SOST: variants seen among roughly 807,000 people sequenced by gnomAD.
SOST encodes the protein sclerosteosis.
In SOST, 14 loss-of-function variants were observed where a neutral mutation model predicts 16.7. The observed-to-expected ratio is 0.84, with a 90% confidence interval of 0.55 to 1.31. The LOEUF (loss-of-function observed/expected upper bound fraction) is 1.31, where lower values mean the gene tolerates loss of function less well. SOST is among the 50% of genes most tolerant of loss of function. The pLI is 0.00. For synonymous variants in SOST, 150 were observed against 140.9 expected (o/e 1.06, Z -0.46); for missense variants, 291 against 310.7 (o/e 0.94, Z 0.48).
Position 43,755,933 on chromosome 17 carries a change from C to T in SOST, c.221-170G>A, listed in dbSNP as rs1400840820. Among the ~76,000 whole-genome samples, 1 of 152,226 alleles carries T rather than the reference C, an allele frequency of 6.6e-6. No individual in the cohort carries two copies. The highest frequency in any genetic ancestry group is 1.5e-5 in the Non-Finnish European group (1 of 68,040). ...CAGATGCTCTAGAGCTGGTGGAAAG[C>T]TCTCCTGCGCACCCTGTCCCCTCGG... On this transcript the variant is annotated intron_variant, in intron 1 of 1. Coordinates refer to ENST00000301691, the MANE Select transcript of SOST (RefSeq NM_025237.3). This position sits in a 1 kb window ranked among gnomAD's most constrained non-coding sequence, Gnocchi z 4.3.
chr17:43,755,686 C>T lies in SOST; in HGVS notation c.298G>A (p.Val100Ile). Residue 100 changes from valine to isoleucine, a missense_variant, in exon 2 of 2, where the codon GTC (valine) becomes ATC (isoleucine). By Grantham distance (29) the Val-to-Ile change is conservative. Coordinates refer to ENST00000301691, the MANE Select transcript of SOST (RefSeq NM_025237.3). The surrounding 1 kb of genome is among the most constrained non-coding windows in gnomAD (Gnocchi z 4.3). ...TDGPCRSAKP[V>I]TELVCSGQCG... The stretch of plus-strand genomic sequence containing the variant: ...TGGCCGGAGCACACCAGCTCGGTGA[C>T]CGGCTTGGCGCTGCGGCACGGCCCA... 6.4e-7 allele frequency: 1 copy of T among 1,564,386 alleles called. No homozygotes were observed. Among genetic ancestry groups the T allele is most frequent in the Non-Finnish European group, 8.6e-7 (1 of 1,163,176 alleles).
At position 43,755,499 on chromosome 17, in the gene SOST, A is replaced by G; in HGVS notation, c.485T>C (p.Val162Ala). The G allele has an allele frequency of 6.3e-7, 1 of 1,596,898 alleles. No homozygotes were observed. Among genetic ancestry groups the G allele is most frequent in the Non-Finnish European group, 8.5e-7 (1 of 1,178,330 alleles). ...GAGGCGCTTGCACTTGCACGAGGCC[A>G]CCAGGCGCACCTTGCGCGCGCGCGG... The part of the protein sequence containing the change: ...EAPRARKVRL[V>A]ASCKCKRLTR... Residue 162 changes from valine to alanine, a missense_variant, in exon 2 of 2, where the codon GTG (valine) becomes GCG (alanine). Val to Ala is a moderately conservative substitution (Grantham distance 64). Coordinates refer to ENST00000301691, the MANE Select transcript of SOST (RefSeq NM_025237.3). This position sits in a 1 kb window ranked among gnomAD's most constrained non-coding sequence, Gnocchi z 4.3.
Position 43,755,504 on chromosome 17 carries a change from G to A in SOST, c.480C>T (p.Arg160=). The change falls in exon 2 of 2, where the codon CGC becomes CGT. Residue 160 remains arginine (R), a synonymous_variant. Coordinates refer to ENST00000301691, the MANE Select transcript of SOST (RefSeq NM_025237.3). This position sits in a 1 kb window ranked among gnomAD's most constrained non-coding sequence, Gnocchi z 4.3. The part of the protein sequence containing the change: ...GGEAPRARKV[R]LVASCKCKRL... Reference sequence around the variant, plus strand: ...GCTTGCACTTGCACGAGGCCACCAGGCGCACCTTGCGCGCGCGCGGCGCCT... The same window carrying A: ...GCTTGCACTTGCACGAGGCCACCAGACGCACCTTGCGCGCGCGCGGCGCCT... The A allele has an allele frequency of 6.3e-7, 1 of 1,596,520 alleles. No homozygotes were observed. Among genetic ancestry groups the A allele is most frequent in the South Asian group, 1.1e-5 (1 of 90,606 alleles).
intron 1 of SOST, among the ~76,000 whole-genome samples, chr17:43,757,561 C>T (rs867753676): frequency 4.6e-5 from 7 of 152,252 alleles, no homozygotes; most frequent in South Asian, 4.1e-4. Flanking sequence ...TCATTTCAGA[C>T]GCCCCCATGG....
chr17:43,756,741 T>C (rs532453021), intron 1 of SOST, among the ~76,000 whole-genome samples: 49 of 152,144 alleles, frequency 3.2e-4, no homozygotes, highest in Non-Finnish European at 6.2e-4. Context: ...TTTCTTGTTC[T>C]GTGTTATCTG....
Position 43,758,504 on chromosome 17 carries a change from C to A in SOST, c.220+18G>T, listed in dbSNP as rs780124333. The A allele has an allele frequency of 1.6e-5, 25 of 1,599,640 alleles. No homozygotes were observed. Among genetic ancestry groups the A allele is most frequent in the East Asian group, 2.2e-5 (1 of 44,768 alleles). Reference sequence around the variant, plus strand: ...TCCCCAGGATCTTTTACTAAGAATTCTCTCCTCCACCCCATACCTTTGGTC... The same window carrying A: ...TCCCCAGGATCTTTTACTAAGAATTATCTCCTCCACCCCATACCTTTGGTC... On this transcript the variant is annotated intron_variant, in intron 1 of 1. Coordinates refer to ENST00000301691, the MANE Select transcript of SOST (RefSeq NM_025237.3).
chr17:43,755,071 A>C lies in SOST; in HGVS notation c.*271T>G. The C allele has an allele frequency of 2.3e-6, 1 of 444,000 alleles. No homozygotes were observed. Among genetic ancestry groups the C allele is most frequent in the Non-Finnish European group, 3.9e-6 (1 of 254,094 alleles). The allele number at this position is 444,000 out of a possible 1,614,324, so 27.5% of individuals were successfully genotyped here. ...GCCTCCTCTGAAGTGGGACCAGCAA[A>C]GGTAGGCGGCCCCAGAGGCGGGGCT... is the stretch of plus-strand genomic sequence containing the variant. On this transcript the variant is annotated 3_prime_UTR_variant, in exon 2 of 2. Transcript: ENST00000301691. This position sits in a 1 kb window ranked among gnomAD's most constrained non-coding sequence, Gnocchi z 4.3.
chr17:43,757,191 C>T (rs1974140003), intron 1 of SOST, among the ~76,000 whole-genome samples: 1 of 152,228 alleles, frequency 6.6e-6, no homozygotes, highest in African/African-American at 2.4e-5. Context: ...GCCCCTAGGC[C>T]AGGCACTTCC....
Position 43,758,723 on chromosome 17 carries a change from G to C in SOST, c.19C>G (p.Leu7Val). 1 of 1,613,502 alleles carries C rather than the reference G, an allele frequency of 6.2e-7. No individual in the cohort carries two copies. The highest frequency in any genetic ancestry group is 8.5e-7 in the Non-Finnish European group (1 of 1,180,032). The change falls in exon 1 of 2, where the codon CTG becomes GTG. Residue 7 changes from leucine to valine, a missense_variant. Leu to Val is a conservative substitution (Grantham distance 32). Transcript: ENST00000301691. MQLPLA[L>V]CLVCLLVHTA... ...TGTACCAGCAGGCAGACGAGACACA[G>C]GGCCAGTGGGAGCTGCATGGTACCA...
chr17:43,756,426 A>G (rs1974131101), intron 1 of SOST, among the ~76,000 whole-genome samples: 1 of 152,194 alleles, frequency 6.6e-6, no homozygotes, highest in African/African-American at 2.4e-5. Context: ...CTTGAAAGGA[A>G]TCAAAGGCAG....
intron 1 of SOST, among the ~76,000 whole-genome samples, chr17:43,756,824 C>A (rs1218353429): frequency 2.0e-5 from 3 of 152,190 alleles, no homozygotes; most frequent in Non-Finnish European, 4.4e-5. Context: ...ATCCCCTGCA[C>A]ACACCTTGAC....
In SOST at chr17:43,758,566, G is replaced by A. The variant is rs541123476; in HGVS notation, c.176C>T (p.Ala59Val). 2.2e-5 allele frequency: 36 copies of A among 1,614,076 alleles called. No homozygotes were observed. The South Asian group carries it at 2.4e-4, about 11-fold the overall frequency. ...ELENNKTMNR[A>V]ENGGRPPHHP... ...GTGGGGAGGCCGCCCTCCGTTCTCCGCCCGGTTCATGGTCTTGTTGTTCTC... is the reference window on the plus strand; with the variant it reads ...GTGGGGAGGCCGCCCTCCGTTCTCCACCCGGTTCATGGTCTTGTTGTTCTC... Residue 59 changes from alanine to valine, a missense_variant, in exon 1 of 2, where the codon GCG becomes GTG. By Grantham distance (64) the Ala-to-Val change is moderately conservative. Transcript: ENST00000301691.
chr17:43,758,389 C>T (rs1265822087), intron 1 of SOST, 133 bp downstream of exon 1: 2 of 736,220 alleles, frequency 2.7e-6, no homozygotes, highest in African/African-American at 3.5e-5. Flanking sequence ...CCAGGCAAGA[C>T]TGTTCCTCGA....
chr17:43,757,841 C>T (rs1316444794), intron 1 of SOST, among the ~76,000 whole-genome samples: 2 of 152,186 alleles, frequency 1.3e-5, no homozygotes, highest in Non-Finnish European at 2.9e-5. Flanking sequence ...GCTCCCTGGG[C>T]AGGCCGTGGG....
rs1567776772 is a variant in SOST, at chr17:43,755,667, GA to G, written c.316del (p.Ser106ProfsTer143). On this transcript the variant is annotated frameshift_variant, in exon 2 of 2. Transcript: ENST00000301691. LOFTEE classifies it high-confidence loss of function. This position sits in a 1 kb window ranked among gnomAD's most constrained non-coding sequence, Gnocchi z 4.3. ...SAKPVTELVC[S>X]GQCGPARLLP... is the part of the protein sequence containing the mutation. Reference sequence around the variant, plus strand: ...CAGGCGCGCCGGGCCGCACTGGCCGGAGCACACCAGCTCGGTGACCGGCTTG... The same window carrying G: ...CAGGCGCGCCGGGCCGCACTGGCCGGGCACACCAGCTCGGTGACCGGCTTG... 2 of 1,570,130 alleles carry G rather than the reference GA, an allele frequency of 1.3e-6. No individual in the cohort carries two copies. The highest frequency in any genetic ancestry group is 1.7e-6 in the Non-Finnish European group (2 of 1,164,980).
chr17:43,757,253 C>T (rs1035544717), intron 1 of SOST, among the ~76,000 whole-genome samples: 1 of 152,246 alleles, frequency 6.6e-6, no homozygotes, highest in Admixed American at 6.5e-5. Context: ...GGGGCTGTGG[C>T]CTCTCGTGGG....
In SOST at chr17:43,755,719, C is replaced by G; in HGVS notation, c.265G>C (p.Val89Leu). Residue 89 changes from valine to leucine, a missense_variant, in exon 2 of 2, where the codon GTG becomes CTG. By Grantham distance (32) the Val-to-Leu change is conservative. Coordinates refer to ENST00000301691, the MANE Select transcript of SOST (RefSeq NM_025237.3). This position sits in a 1 kb window ranked among gnomAD's most constrained non-coding sequence, Gnocchi z 4.3. ...GCGCTGCGGCACGGCCCATCGGTCA[C>G]GTAGCGGGTGAAGTGCAGCTCGCGG... ...SCRELHFTRY[V>L]TDGPCRSAKP... is the part of the protein sequence containing the mutation. The G allele has an allele frequency of 6.3e-7, 1 of 1,576,182 alleles. No homozygotes were observed. The highest frequency in any genetic ancestry group is 8.6e-7 in the Non-Finnish European group (1 of 1,169,512).
rs540695176 is a variant in SOST, at chr17:43,754,083, C to T, written c.*1259G>A. 5.9e-5 allele frequency: 9 copies of T among 152,240 alleles called. No individual in the cohort carries two copies. In the East Asian group the frequency reaches 1.2e-3, roughly 20 times the overall value. The allele number at this position is 152,240 out of a possible 1,614,324, so 9.4% of individuals were successfully genotyped here. ...AAGATTTTTGGGTGGCAGTATTATGCTCTGCAGTTTCTCAGCATATGTACA... is the reference window on the plus strand; with the variant it reads ...AAGATTTTTGGGTGGCAGTATTATGTTCTGCAGTTTCTCAGCATATGTACA... On this transcript the variant is annotated 3_prime_UTR_variant, in exon 2 of 2. Transcript: ENST00000301691.
Position 43,755,163 on chromosome 17 carries a change from T to A in SOST, c.*179A>T, listed in dbSNP as rs867914014. 44 of 581,250 alleles carry A rather than the reference T, an allele frequency of 7.6e-5. No homozygotes were observed. The Middle Eastern group carries it at 1.4e-3, about 18-fold the overall frequency. The allele number at this position is 581,250 out of a possible 1,614,324, so 36.0% of individuals were successfully genotyped here. ...CCGTGGGACCCCTCAGCTGGCGGGC[T>A]GAGGGGGGCCTTGCCGGCGCCCGGG... On this transcript the variant is annotated 3_prime_UTR_variant, in exon 2 of 2. Transcript: ENST00000301691. This position sits in a 1 kb window ranked among gnomAD's most constrained non-coding sequence, Gnocchi z 4.3.
Sources: allele counts gnomAD v4.1 joint callset (sites outside exome capture counted in the v4.1 genomes callset), GRCh38; gene constraint gnomAD v4.1.1; non-coding constraint Gnocchi (gnomAD v3.1); transcripts MANE v1.5; gene names NCBI Gene and HGNC (gene_info 2026-07-23, HGNC 2026-07-21).